The following SNX9 variants were observed in gnomAD, a reference collection of about 807,000 sequenced individuals.
The protein encoded by SNX9 is sorting nexin 9.
SNX9 carries 44 observed loss-of-function variants against 89.4 expected under a neutral mutation model. That is an observed-to-expected ratio of 0.49 (90% CI 0.39 to 0.63). The LOEUF is 0.63. Among genes scored for constraint, SNX9 ranks in the 30% least tolerant of loss-of-function variants. The probability of loss-of-function intolerance (pLI) is 0.00; values close to 1 mark genes in which losing one functional copy is unlikely to be tolerated. For missense variants in SNX9, 578 were observed against 736.1 expected (o/e 0.79, Z 2.49); for synonymous variants, 236 against 247.8 (o/e 0.95, Z 0.45).
rs1416602162 is a variant in SNX9 at position 157,875,133 on chromosome 6, G to T, written c.257G>T (p.Ser86Ile). ...GCCTTCCTTGATTCTCTCTCAGCCA[G>T]CACAGCTCAGGCCAGTTCGTCGGCT... ...DQAFLDSLSA[S>I]TAQASSSAAS... is the part of the protein sequence containing the mutation. The change falls in exon 4 of 18, where the codon AGC (serine) becomes ATC (isoleucine). Residue 86 changes from serine to isoleucine, a missense_variant. Ser to Ile is a moderately radical substitution (Grantham distance 142, BLOSUM62 -2). Around this residue, in one of 2 missense-constraint regions of SNX9, gnomAD observed 230 missense variants for 244.7 expected, o/e 0.94. Transcript: ENST00000392185. 15 of 1,613,880 alleles carry T rather than the reference G, an allele frequency of 9.3e-6. No homozygotes were observed. The highest frequency in any genetic ancestry group is 1.3e-5 in the Non-Finnish European group (15 of 1,179,936).
rs2803353 is a variant in SNX9, at chr6:157,853,366, A to T, written c.13-14181A>T. On this transcript the variant is annotated intron_variant, in intron 1 of 17. Coordinates refer to ENST00000392185, the MANE Select transcript of SNX9 (RefSeq NM_016224.5). ...TGTTTTTCTCCTTTCTCTGATTTTA[A>T]GGTTTTTCTCTTTGTTGCTGATATT... Among the ~76,000 whole-genome samples the T allele has an allele frequency of 1.9e-4, 29 of 151,902 alleles. No individual in the cohort carries two copies. In the East Asian group the frequency reaches 5.6e-3, roughly 29 times the overall value.
chr6:157,916,236 G>A (rs190593607), intron 9 of SNX9, among the ~76,000 whole-genome samples: 2 of 152,188 alleles, frequency 1.3e-5, no homozygotes, highest in Admixed American at 6.5e-5. Flanking sequence ...GGGTTTCACT[G>A]TGTTAGCCAG....
chr6:157,859,365 C>T, intron 1 of SNX9, among the ~76,000 whole-genome samples: 1 of 152,168 alleles, frequency 6.6e-6, no homozygotes, highest in Non-Finnish European at 1.5e-5. Flanking sequence ...ATGCCCTGTT[C>T]CATAAGTTAC....
chr6:157,837,780 G>T (rs143377958), intron 1 of SNX9, among the ~76,000 whole-genome samples: 1 of 152,244 alleles, frequency 6.6e-6, no homozygotes, highest in South Asian at 2.1e-4. Flanking sequence ...AAGAAGTAAC[G>T]GGTGTCTAAA....
At chr6:157,854,049 C>G (rs1781963733) in intron 1 of SNX9, among the ~76,000 whole-genome samples, 1 of 152,228 alleles carries the variant, frequency 6.6e-6, no homozygotes, top group African/African-American at 2.4e-5. Context: ...ATTTCCTCCC[C>G]CTTTGGGGAA....
chr6:157,890,165 C>T (rs2115156747), intron 4 of SNX9, among the ~76,000 whole-genome samples: 1 of 152,286 alleles, frequency 6.6e-6, no homozygotes, highest in Admixed American at 6.5e-5. Context: ...TACCAGGATT[C>T]GTCTTGCCCC....
intron 5 of SNX9, 104 bp downstream of exon 5, chr6:157,897,102 G>A (rs982581040): frequency 6.6e-5 from 76 of 1,159,818 alleles, no homozygotes; most frequent in Non-Finnish European, 8.7e-5. Flanking sequence ...GCACAACACA[G>A]AACAGTTTTG....
At chr6:157,870,929 C>T (rs1025362306) in intron 2 of SNX9, among the ~76,000 whole-genome samples, 3 of 152,266 alleles carry the variant, frequency 2.0e-5, no homozygotes, top group South Asian at 2.1e-4. Flanking sequence ...GTCATGCACA[C>T]GCACACTCGC....
rs1783207725 is a variant in SNX9, at chr6:157,906,006, T to G, written c.621-122T>G. 67 of 701,192 alleles carry G rather than the reference T, an allele frequency of 9.6e-5. 2 individuals are homozygous for G. In the South Asian group the frequency reaches 1.2e-3, roughly 12 times the overall value. The allele number at this position is 701,192 out of a possible 1,614,324, so 43.4% of individuals were successfully genotyped here. A position where few individuals can be genotyped will look rare whatever the true frequency, so the allele number is the denominator to read the frequency against. ...ACATTAGGTTTCATTTACCACAGTT[T>G]CCAGTTCTAGTGCACCCGAAAGACA... On this transcript the variant is annotated intron_variant, in intron 6 of 17. Transcript: ENST00000392185.
chr6:157,896,654 C>T (rs977285919), intron 4 of SNX9, among the ~76,000 whole-genome samples, 173 bp from the exon 5 acceptor site: 1 of 152,194 alleles, frequency 6.6e-6, no homozygotes, highest in African/African-American at 2.4e-5. Flanking sequence ...ACCTTTTGTG[C>T]TTTCCTACAT....
rs1398090425 is a variant in SNX9 at position 157,917,565 on chromosome 6, C to T, written c.950-3966C>T. 2.0e-5 allele frequency among the ~76,000 whole-genome samples: 3 copies of T among 151,946 alleles called. No individual in the cohort carries two copies. In the East Asian group the frequency reaches 5.8e-4, roughly 29 times the overall value. On this transcript the variant is annotated intron_variant, in intron 9 of 17. Transcript: ENST00000392185. ...ATCCATGGGTTATTTAGAAATATAC[C>T]TATATCTCAGTATCTATGGGAATTG...
At chr6:157,831,174 TTCTC>T (rs568451700) in intron 1 of SNX9, among the ~76,000 whole-genome samples, 27 of 152,246 alleles carry the variant, frequency 1.8e-4, no homozygotes, top group Non-Finnish European at 3.4e-4. Flanking sequence ...TTTCTGCACA[TTCTC>T]ACTCATGGTG....
At chr6:157,865,109 C>T (rs1291529098) in intron 1 of SNX9, among the ~76,000 whole-genome samples, 6 of 152,210 alleles carry the variant, frequency 3.9e-5, no homozygotes, top group East Asian at 1.9e-4. Flanking sequence ...GAAGCCAAGG[C>T]GGGTGGATCA....
At chr6:157,838,215 G>A (rs59298856) in intron 1 of SNX9, among the ~76,000 whole-genome samples, 1 of 151,942 alleles carries the variant, frequency 6.6e-6, no homozygotes, top group Non-Finnish European at 1.5e-5. Context: ...GTTTTGCCAT[G>A]TTGCCCAGGC....
chr6:157,843,216 G>GA (rs1234757342), intron 1 of SNX9, among the ~76,000 whole-genome samples: 1 of 152,138 alleles, frequency 6.6e-6, no homozygotes, highest in Non-Finnish European at 1.5e-5. Flanking sequence ...TGACGAAAAT[G>GA]AAAATTGAAA....
In SNX9 at chr6:157,944,639, C is replaced by G. The variant is rs1166763237; in HGVS notation, c.*1801C>G. 6.6e-6 allele frequency: 1 copy of G among 152,206 alleles called. No individual in the cohort carries two copies. The highest frequency in any genetic ancestry group is 1.9e-4 in the East Asian group (1 of 5,194). The allele number at this position is 152,206 out of a possible 1,614,324, so 9.4% of individuals were successfully genotyped here. On this transcript the variant is annotated 3_prime_UTR_variant, in exon 18 of 18. Transcript: ENST00000392185. The stretch of plus-strand genomic sequence containing the variant: ...ATGAATTCTTCCCCAAATCCTATTT[C>G]TTCTGACATGAATTCATCATTTCAG...
intron 5 of SNX9, among the ~76,000 whole-genome samples, chr6:157,899,128 A>G (rs1393253719): frequency 6.6e-6 from 1 of 151,664 alleles, no homozygotes; most frequent in Non-Finnish European, 1.5e-5. Context: ...AAGGAGAAGG[A>G]GGAGAGCCCA....
chr6:157,914,192 A>G (rs1277125177), intron 9 of SNX9, among the ~76,000 whole-genome samples: 2 of 152,128 alleles, frequency 1.3e-5, no homozygotes, highest in African/African-American at 2.4e-5. Context: ...CCAGTCCGAT[A>G]GGTATGCAGT....
chr6:157,936,094 T>C (rs1783918991), intron 14 of SNX9, 54 bp downstream of exon 14: 1 of 1,405,606 alleles, frequency 7.1e-7, no homozygotes, highest in African/African-American at 1.4e-5. Flanking sequence ...CTAGTCCACA[T>C]ATTTAATTTA....
Sources: gnomAD v4.1 joint callset for allele counts (sites outside exome capture counted in the v4.1 genomes callset) on GRCh38, gnomAD v4.1.1 for gene constraint, gnomAD v4.1.1 regional missense constraint, MANE v1.5 for transcripts, NCBI Gene and HGNC (gene_info 2026-07-23, HGNC 2026-07-21) for gene names.